Variants in HACD3 observed in about 807,000 individuals in gnomAD.
The protein encoded by HACD3 is 3-hydroxyacyl-CoA dehydratase 3, also known as very-long-chain (3R)-3-hydroxyacyl-CoA dehydratase 3.
A neutral mutation model predicts 55.2 loss-of-function variants in HACD3; 30 were observed. The ratio of observed to expected loss-of-function variants is 0.54; its 90% CI spans 0.41 to 0.74. The LOEUF is 0.74. Ranked by LOEUF, HACD3 falls within the 30% of genes least tolerant of loss-of-function variation. HACD3 has a pLI of 0.00. For missense variants in HACD3, 363 were observed against 440.1 expected (o/e 0.82, Z 1.57); for synonymous variants, 141 against 151.7 (o/e 0.93, Z 0.52).
intron 2 of HACD3, among the ~76,000 whole-genome samples, 164 bp from the exon 3 acceptor site, chr15:65,554,723 C>T (rs905108173): frequency 7.2e-5 from 11 of 151,874 alleles, no homozygotes; most frequent in South Asian, 2.1e-4. Context: ...TGCAGTGAGC[C>T]GAGATCATGC....
chr15:65,555,365 G>C (rs983759865), intron 3 of HACD3, among the ~76,000 whole-genome samples: 3 of 152,214 alleles, frequency 2.0e-5, no homozygotes, highest in Non-Finnish European at 4.4e-5. Flanking sequence ...ACTTTCATGT[G>C]ACTTTGCCAC....
At chr15:65,564,111 T>G (rs1342128647) in intron 6 of HACD3, 104 bp from the exon 7 acceptor site, 2 of 1,386,654 alleles carry the variant, frequency 1.4e-6, no homozygotes, top group African/African-American at 2.9e-5. Flanking sequence ...TGTTTGTTAT[T>G]CCTTTCTTAC....
In HACD3 at chr15:65,556,813, C is replaced by G; in HGVS notation, c.279C>G (p.Leu93=). 6.2e-7 allele frequency: 1 copy of G among 1,612,404 alleles called. No individual in the cohort carries two copies. Among genetic ancestry groups the G allele is most frequent in the Non-Finnish European group, 8.5e-7 (1 of 1,179,184 alleles). ...AAGTGAGTCAGTGGTGGGAGAGACT[C>G]ACAAAGCAGGAAAAGCGACCACTGT... The part of the protein sequence containing the change: ...QKKVSQWWER[L]TKQEKRPLFL... Residue 93 remains leucine (L), a synonymous_variant, in exon 4 of 11, where the codon CTC becomes CTG. Transcript: ENST00000261875.
intron 7 of HACD3, 61 bp downstream of exon 7, chr15:65,564,403 A>G (rs1239209838): frequency 1.3e-6 from 2 of 1,569,330 alleles, no homozygotes; most frequent in East Asian, 2.3e-5. Flanking sequence ...TCTAGTGGGT[A>G]TGTGTATTAG....
chr15:65,544,640 A>G (rs78903022), intron 1 of HACD3, among the ~76,000 whole-genome samples: 2,652 of 152,312 alleles, frequency 0.017, 37 homozygotes, highest in Non-Finnish European at 0.025. Context: ...AAAAATTTCA[A>G]TTAAAAAAAG....
intron 1 of HACD3, among the ~76,000 whole-genome samples, chr15:65,549,073 A>G (rs555024227): frequency 2.0e-5 from 3 of 152,342 alleles, no homozygotes; most frequent in Non-Finnish European, 4.4e-5. Flanking sequence ...TTTTCTTGTA[A>G]GAGATGGGCT....
Position 65,577,613 on chromosome 15 carries a change from A to G in HACD3, c.*1234A>G, listed in dbSNP as rs2072420039. The G allele has an allele frequency of 6.6e-6, 1 of 152,202 alleles. No homozygotes were observed. The highest frequency in any genetic ancestry group is 6.5e-5 in the Admixed American group (1 of 15,274). 9.4% of individuals were successfully genotyped at this position (152,202 alleles called of 1,614,324 possible). On this transcript the variant is annotated 3_prime_UTR_variant, in exon 11 of 11. Coordinates refer to ENST00000261875, the MANE Select transcript of HACD3 (RefSeq NM_016395.4). ...CCAAACTGTAAGGCTGTGCACAAAC[A>G]TAAAAAATGGCAGCCTTCCATCTCC...
At position 65,531,653 on chromosome 15, in the gene HACD3, C is replaced by T. The variant is rs190707392; in HGVS notation, c.87+935C>T. Among the ~76,000 whole-genome samples the T allele has an allele frequency of 2.4e-4, 37 of 152,186 alleles. No individual in the cohort carries two copies. The East Asian group carries it at 7.2e-3, about 29-fold the overall frequency. On this transcript the variant is annotated intron_variant, in intron 1 of 10. Transcript: ENST00000261875. ...CGATCTCGGCTCACCGCAACCTCTG[C>T]CTCCCGGGTTCAAGGGATTCTCCTG... is the stretch of plus-strand genomic sequence containing the variant.
chr15:65,569,277 T>C (rs570335403), intron 7 of HACD3, among the ~76,000 whole-genome samples: 2 of 147,420 alleles, frequency 1.4e-5, no homozygotes, highest in African/African-American at 5.0e-5. Flanking sequence ...CCAAAAAACA[T>C]AGATGAGTCT....
intron 1 of HACD3, 34 bp from the exon 2 acceptor site, chr15:65,551,642 A>C (rs1244857330): frequency 6.2e-7 from 1 of 1,613,464 alleles, no homozygotes; most frequent in South Asian, 1.1e-5. Context: ...TCTTCATTAA[A>C]ATGCCTTCTT....
chr15:65,550,117 G>A (rs1476545496), intron 1 of HACD3, among the ~76,000 whole-genome samples: 1 of 152,234 alleles, frequency 6.6e-6, no homozygotes, highest in Non-Finnish European at 1.5e-5. Flanking sequence ...GCTGGACACA[G>A]TAGCTCATGC....
chr15:65,539,106 A>G (rs1195918838), intron 1 of HACD3, among the ~76,000 whole-genome samples: 1 of 151,934 alleles, frequency 6.6e-6, no homozygotes, highest in African/African-American at 2.4e-5. Flanking sequence ...GCTCCAAGGT[A>G]TGCCTGTAAA....
intron 1 of HACD3, among the ~76,000 whole-genome samples, chr15:65,541,513 A>T (rs567072870): frequency 1.3e-5 from 2 of 152,188 alleles, no homozygotes; most frequent in South Asian, 4.1e-4. Context: ...GTTAAAAAAG[A>T]CCTTGTTATA....
intron 1 of HACD3, among the ~76,000 whole-genome samples, chr15:65,532,272 C>A (rs1567328569): frequency 6.6e-6 from 1 of 152,148 alleles, no homozygotes; most frequent in Non-Finnish European, 1.5e-5. Context: ...CAAACAAAAT[C>A]TTTTGTAGAT....
intron 10 of HACD3, among the ~76,000 whole-genome samples, chr15:65,574,717 CT>C (rs1265921670): frequency 1.1e-5 from 1 of 93,420 alleles, no homozygotes; most frequent in African/African-American, 5.8e-5. Context: ...GTTAAAATTT[CT>C]TTCTTTTTTT....
intron 7 of HACD3, chr15:65,566,832 C>A (rs1237639860): frequency 6.6e-6 from 1 of 152,102 alleles, no homozygotes; most frequent in African/African-American, 2.4e-5. Context: ...AGGTCTTTTT[C>A]ATTTTTTATA....
At chr15:65,550,731 C>T (rs1352618746) in intron 1 of HACD3, 1 of 152,136 alleles carries the variant, frequency 6.6e-6, no homozygotes. Context: ...GTTGTTCTGG[C>T]TTGGAATCTC....
intron 9 of HACD3, 65 bp from the exon 10 acceptor site, chr15:65,572,152 TTTAGAGTACTAGGACTGG>T: frequency 6.4e-7 from 1 of 1,553,542 alleles, no homozygotes; most frequent in East Asian, 2.3e-5. Flanking sequence ...GAACTGAAAC[TTTAGAGTACTAGGACTGG>T]AAGTTCCTGT....
At chr15:65,554,042 G>A (rs1026671762) in intron 2 of HACD3, among the ~76,000 whole-genome samples, 2 of 152,138 alleles carry the variant, frequency 1.3e-5, no homozygotes, top group Admixed American at 6.5e-5. Context: ...GTTCCATTTG[G>A]GATGTGCTAA....
Sources: allele counts gnomAD v4.1 joint callset (sites outside exome capture counted in the v4.1 genomes callset), GRCh38; gene constraint gnomAD v4.1.1; transcripts MANE v1.5; gene names NCBI Gene and HGNC (gene_info 2026-07-23, HGNC 2026-07-21).